PACRG: variants seen among roughly 807,000 people sequenced by gnomAD.
PACRG encodes the protein parkin coregulated gene protein.
In PACRG, 29 loss-of-function variants were observed where a neutral mutation model predicts 29.7. The ratio of observed to expected loss-of-function variants is 0.98; its 90% confidence interval spans 0.73 to 1.33. The LOEUF is 1.33. Ranked by LOEUF, PACRG falls within the 40% of genes most tolerant of loss-of-function variation. PACRG has a pLI of 0.00. For synonymous variants in PACRG, 116 were observed against 118.7 expected, an observed-to-expected ratio of 0.98 and a Z score of 0.15; for missense variants, 279 against 316.2, an observed-to-expected ratio of 0.88 and a Z score of 0.89.
chr6:163,145,541 A>G (rs1032809553), intron 4 of PACRG, among the ~76,000 whole-genome samples: 1 of 152,152 alleles, frequency 6.6e-6, no homozygotes, highest in African/African-American at 2.4e-5. Context: ...TCAAGCTGGG[A>G]TGATTTTCCC....
In PACRG at chr6:162,947,467, T is replaced by TACA. The variant is rs1348986341; in HGVS notation, c.292-114682_292-114681insCAA. ...ATATATAATCATATATATAATCATATATAATATATATATAATCATATATAT... is the reference window on the plus strand; with the variant it reads ...ATATATAATCATATATATAATCATATACAATAATATATATATAATCATATATAT... On this transcript the variant is annotated intron_variant, in intron 2 of 4. Transcript: ENST00000366888. Among the ~76,000 whole-genome samples, 29 of 21,846 alleles carry TACA rather than the reference T, an allele frequency of 1.3e-3. No homozygotes were observed. In the South Asian group the frequency reaches 0.04, roughly 30 times the overall value. 14.3% of individuals were successfully genotyped at this position (21,846 alleles called of 152,430 possible). A position where few individuals can be genotyped will look rare whatever the true frequency, so the allele number is the denominator to read the frequency against.
chr6:163,311,956 T>C (rs894758813), intron 4 of PACRG, among the ~76,000 whole-genome samples: 1 of 152,182 alleles, frequency 6.6e-6, no homozygotes, highest in African/African-American at 2.4e-5. Flanking sequence ...TATGTCTGTC[T>C]CCTGGTCTAT....
rs80213481 is a variant in PACRG at position 162,780,012 on chromosome 6, G to A, written c.157-34135G>A. On this transcript the variant is annotated intron_variant, in intron 1 of 4. Transcript: ENST00000366888. ...GCTTAGAATTCAAGGAAGTTAAGTCGGCTAGAATTCACAGGACAGTATGAC... is the reference window on the plus strand; with the variant it reads ...GCTTAGAATTCAAGGAAGTTAAGTCAGCTAGAATTCACAGGACAGTATGAC... Among the ~76,000 whole-genome samples, 922 of 152,200 alleles carry A rather than the reference G, an allele frequency of 6.1e-3. 11 individuals are homozygous for A. The highest frequency in any genetic ancestry group is 0.021 in the African/African-American group (879 of 41,518).
intron 4 of PACRG, among the ~76,000 whole-genome samples, chr6:163,184,669 G>T (rs2763999): frequency 2.0e-5 from 3 of 151,966 alleles, no homozygotes; most frequent in Non-Finnish European, 4.4e-5. Context: ...GTGTTTGAGA[G>T]GAGTTAACTC....
chr6:163,229,582 A>T (rs1376562779), intron 4 of PACRG, among the ~76,000 whole-genome samples: 2 of 152,194 alleles, frequency 1.3e-5, no homozygotes, highest in Non-Finnish European at 2.9e-5. Context: ...CTGAGCACAA[A>T]TGTGGCATTC....
intron 4 of PACRG, among the ~76,000 whole-genome samples, chr6:163,249,288 A>G (rs1053218880): frequency 2.0e-4 from 31 of 152,238 alleles, no homozygotes; most frequent in African/African-American, 7.0e-4. Context: ...TGGCATGGCT[A>G]ATCATTTCAA....
chr6:163,229,384 C>A (rs1453212014), intron 4 of PACRG, among the ~76,000 whole-genome samples: 4 of 152,152 alleles, frequency 2.6e-5, no homozygotes, highest in South Asian at 4.1e-4. Flanking sequence ...CCACCACCAC[C>A]ACAACAAAAA....
Position 163,046,886 on chromosome 6 carries a change from T to C in PACRG, c.292-15264T>C, listed in dbSNP as rs140030972. Reference sequence around the variant, plus strand: ...CCTCAGTATAAAGAGCTTTAACAAATTGGAACAAATCTCTGAAAAATATAT... The same window carrying C: ...CCTCAGTATAAAGAGCTTTAACAAACTGGAACAAATCTCTGAAAAATATAT... On this transcript the variant is annotated intron_variant, in intron 2 of 4. Transcript: ENST00000366888. Among the ~76,000 whole-genome samples the C allele has an allele frequency of 2.3e-3, 351 of 152,330 alleles. 1 individual carries two copies. The highest frequency in any genetic ancestry group is 4.1e-3 in the Non-Finnish European group (281 of 68,030).
At chr6:162,806,762 A>C (rs780801458) in intron 1 of PACRG, among the ~76,000 whole-genome samples, 5 of 152,146 alleles carry the variant, frequency 3.3e-5, no homozygotes, top group African/African-American at 4.8e-5. Flanking sequence ...GTGCTCAGTG[A>C]CCACTGGCTT....
At position 162,993,248 on chromosome 6, in the gene PACRG, CTAT is replaced by C. The variant is rs1028862579; in HGVS notation, c.292-68899_292-68897del. ...TTGGGGTGGAGAGTTCTGTAGATGT[CTAT>C]TAGGTCCACTTGGTACAGAGCTGAG... is the stretch of plus-strand genomic sequence containing the variant. On this transcript the variant is annotated intron_variant, in intron 2 of 4. Coordinates refer to ENST00000366888, the MANE Select transcript of PACRG (RefSeq NM_001080379.2). Among the ~76,000 whole-genome samples, 892 of 150,964 alleles carry C rather than the reference CTAT, an allele frequency of 5.9e-3. 9 individuals carry two copies. The highest frequency in any genetic ancestry group is 0.021 in the African/African-American group (862 of 40,990).
At chr6:162,776,953 G>T (rs895510931) in intron 1 of PACRG, among the ~76,000 whole-genome samples, 1 of 152,108 alleles carries the variant, frequency 6.6e-6, no homozygotes, top group Non-Finnish European at 1.5e-5. Flanking sequence ...GGGGATGAGG[G>T]ATAAAAGACT....
intron 2 of PACRG, among the ~76,000 whole-genome samples, chr6:162,830,930 TCAAGAAA>T (rs1788714620): frequency 6.6e-6 from 1 of 152,210 alleles, no homozygotes; most frequent in Admixed American, 6.6e-5. Context: ...ACTCATTTAT[TCAAGAAA>T]CATGCGTTGA....
intron 4 of PACRG, among the ~76,000 whole-genome samples, chr6:163,294,262 G>A (rs1297449590): frequency 1.4e-4 from 21 of 152,104 alleles, no homozygotes; most frequent in South Asian, 8.3e-4. Flanking sequence ...ATGTTTATAC[G>A]AAATTGCAGG....
intron 1 of PACRG, 74 bp from the exon 2 acceptor site, chr6:162,814,073 C>A: frequency 6.9e-7 from 1 of 1,438,850 alleles, no homozygotes; most frequent in South Asian, 1.4e-5. Flanking sequence ...TCTTTAAAAA[C>A]AGAAAGTTCT....
At chr6:163,050,109 T>C (rs1254871966) in intron 2 of PACRG, among the ~76,000 whole-genome samples, 1 of 152,130 alleles carries the variant, frequency 6.6e-6, no homozygotes, top group Non-Finnish European at 1.5e-5. Context: ...TATTATTGCT[T>C]ACATATTTGG....
chr6:163,178,402 TCTC>T (rs1779492354), intron 4 of PACRG, among the ~76,000 whole-genome samples: 1 of 152,090 alleles, frequency 6.6e-6, no homozygotes, highest in African/African-American at 2.4e-5. Context: ...GTCCTTTCCT[TCTC>T]CTTCCTGCAG....
rs147243101 is a variant in PACRG, at chr6:163,086,137, A to C, written c.464-3122A>C. Among the ~76,000 whole-genome samples the C allele has an allele frequency of 2.6e-5, 4 of 151,842 alleles. 1 individual carries two copies. In the East Asian group the frequency reaches 7.7e-4, roughly 29 times the overall value. ...TTTGAAAGAATATCAACTGCCCCCA[A>C]TCCTTAGAACATTTCTGGCCTGCCA... On this transcript the variant is annotated intron_variant, in intron 3 of 4. Coordinates refer to ENST00000366888, the MANE Select transcript of PACRG (RefSeq NM_001080379.2).
intron 4 of PACRG, among the ~76,000 whole-genome samples, chr6:163,116,636 T>G (rs1004332351): frequency 1.3e-5 from 2 of 151,762 alleles, no homozygotes; most frequent in African/African-American, 4.9e-5. Context: ...GAAACGAGTG[T>G]AGATGTTTGC....
At chr6:163,192,472 C>T (rs1483717598) in intron 4 of PACRG, among the ~76,000 whole-genome samples, 1 of 152,184 alleles carries the variant, frequency 6.6e-6, no homozygotes, top group Non-Finnish European at 1.5e-5. Flanking sequence ...ACAGTGAATA[C>T]TGTGTTCTTT....
Sources: allele counts gnomAD v4.1 joint callset (sites outside exome capture counted in the v4.1 genomes callset), GRCh38; gene constraint gnomAD v4.1.1; transcripts MANE v1.5; gene names NCBI Gene and HGNC (gene_info 2026-07-23, HGNC 2026-07-21).